Variants in CADPS2 observed in about 807,000 individuals in gnomAD.
CADPS2 encodes calcium-dependent secretion activator 2.
In CADPS2, 93 loss-of-function variants were observed where a neutral mutation model predicts 172.5. The observed-to-expected ratio is 0.54, with a 90% CI of 0.46 to 0.64. The LOEUF (loss-of-function observed/expected upper bound fraction) is 0.64. CADPS2 is among the 30% of genes least tolerant of loss of function. The pLI, the probability that CADPS2 is intolerant of heterozygous loss-of-function variation, is 0.00. For synonymous variants in CADPS2, 546 were observed against 555.2 expected (o/e 0.98, Z 0.23); for missense variants, 1,420 against 1,565.9 (o/e 0.91, Z 1.57).
intron 1 of CADPS2, among the ~76,000 whole-genome samples, chr7:122,869,721 T>C (rs1312887921): frequency 6.6e-6 from 1 of 152,090 alleles, no homozygotes; most frequent in East Asian, 1.9e-4. Flanking sequence ...AATATATCTC[T>C]AGTATGAAGA....
intron 3 of CADPS2, among the ~76,000 whole-genome samples, chr7:122,641,113 T>C (rs1307504265): frequency 6.6e-6 from 1 of 152,116 alleles, no homozygotes; most frequent in Non-Finnish European, 1.5e-5. Flanking sequence ...TAACTTCTGA[T>C]TTCAACATTT....
chr7:122,697,693 A>T, intron 2 of CADPS2: 1 of 925,136 alleles, frequency 1.1e-6, no homozygotes, highest in Non-Finnish European at 1.6e-6. Context: ...ACAAAAAAGG[A>T]CACAAAAACC....
intron 3 of CADPS2, 41 bp from the exon 4 acceptor site, chr7:122,629,369 A>G (rs754221983): frequency 6.6e-7 from 1 of 1,504,734 alleles, no homozygotes; most frequent in South Asian, 1.2e-5. Flanking sequence ...TAATTACTTA[A>G]TCTATATACA....
intron 1 of CADPS2, among the ~76,000 whole-genome samples, chr7:122,790,590 G>A (rs1190907040): frequency 1.3e-5 from 2 of 151,844 alleles, no homozygotes; most frequent in African/African-American, 4.8e-5. Flanking sequence ...AAATATCAAG[G>A]CATATAAAGA....
intron 2 of CADPS2, among the ~76,000 whole-genome samples, chr7:122,713,808 C>T (rs1029539908): frequency 6.6e-6 from 1 of 151,950 alleles, no homozygotes; most frequent in Non-Finnish European, 1.5e-5. Context: ...AGTGATAGAA[C>T]TTACTTATTA....
chr7:122,628,610 G>A (rs2076296007), intron 4 of CADPS2, among the ~76,000 whole-genome samples: 1 of 151,154 alleles, frequency 6.6e-6, no homozygotes, highest in Non-Finnish European at 1.5e-5. Flanking sequence ...ATTCACTAAA[G>A]AATGATTTAG....
intron 3 of CADPS2, among the ~76,000 whole-genome samples, chr7:122,662,842 G>T (rs1276545494): frequency 6.6e-6 from 1 of 152,090 alleles, no homozygotes; most frequent in South Asian, 2.1e-4. Context: ...CAACTCAGAA[G>T]ACCAGCATCA....
chr7:122,643,453 G>A (rs1387407175), intron 3 of CADPS2, among the ~76,000 whole-genome samples: 1 of 152,152 alleles, frequency 6.6e-6, no homozygotes, highest in African/African-American at 2.4e-5. Context: ...CAGAGTGTCT[G>A]CAGTAATTTC....
intron 14 of CADPS2, among the ~76,000 whole-genome samples, chr7:122,469,511 C>A (rs1214422008): frequency 1.3e-5 from 2 of 152,060 alleles, no homozygotes; most frequent in African/African-American, 2.4e-5. Context: ...CCCCTGTACC[C>A]CCCCATTTTC....
At chr7:122,663,166 T>A (rs2080795173) in intron 3 of CADPS2, 71 bp downstream of exon 3, 2 of 1,134,114 alleles carry the variant, frequency 1.8e-6, no homozygotes, top group African/African-American at 3.1e-5. Context: ...GACATCTTCA[T>A]AGGCTTGTAA....
rs143770923 is a variant in CADPS2, at chr7:122,471,359, T to C, written c.2186+16A>G. 41 of 1,598,750 alleles carry C rather than the reference T, an allele frequency of 2.6e-5. No homozygotes were observed. The African/African-American group carries it at 4.0e-4, about 16-fold the overall frequency. On this transcript the variant is annotated intron_variant, in intron 14 of 29. Transcript: ENST00000449022. ...CAACCCCATACATTTCACTTTGTATTTGCAAGTAAAAATACCTGTTGCCGT... is the reference window on the plus strand; with the variant it reads ...CAACCCCATACATTTCACTTTGTATCTGCAAGTAAAAATACCTGTTGCCGT...
intron 4 of CADPS2, among the ~76,000 whole-genome samples, chr7:122,625,871 AC>A (rs2076040402): frequency 6.6e-6 from 1 of 152,084 alleles, no homozygotes; most frequent in African/African-American, 2.4e-5. Context: ...TATTATATCT[AC>A]CTAGATATTG....
chr7:122,622,885 C>G (rs1418887092), intron 4 of CADPS2, among the ~76,000 whole-genome samples: 1 of 152,132 alleles, frequency 6.6e-6, no homozygotes, highest in East Asian at 1.9e-4. Context: ...TCTTGTCAAC[C>G]TGCATCTAGT....
At chr7:122,583,877 G>T (rs2069235626) in intron 6 of CADPS2, among the ~76,000 whole-genome samples, 2 of 150,644 alleles carry the variant, frequency 1.3e-5, no homozygotes. Context: ...TAACATATGT[G>T]TATATATACA....
Position 122,621,698 on chromosome 7 carries a change from A to C in CADPS2, c.887T>G (p.Phe296Cys). ...CATATTCTCCATATCTTTTGCTATA[A>C]ATTTGGGGAATTTTCTTTCCTTGAA... Reference protein sequence around the residue: ...KMAKERKFPKFIAKDMENMYI... With the variant: ...KMAKERKFPKCIAKDMENMYI... The change falls in exon 5 of 30, where the codon TTT (phenylalanine) becomes TGT (cysteine). Residue 296 changes from phenylalanine (F) to cysteine (C), a missense_variant. Physicochemically the swap from Phe to Cys is radical, Grantham distance 205. Coordinates refer to ENST00000449022, the MANE Select transcript of CADPS2 (RefSeq NM_017954.11). The C allele has an allele frequency of 1.3e-6, 2 of 1,581,274 alleles. No individual in the cohort carries two copies. Among genetic ancestry groups the C allele is most frequent in the Non-Finnish European group, 1.7e-6 (2 of 1,166,002 alleles).
chr7:122,855,457 C>T (rs1329009393), intron 1 of CADPS2, among the ~76,000 whole-genome samples: 1 of 152,132 alleles, frequency 6.6e-6, no homozygotes, highest in African/African-American at 2.4e-5. Flanking sequence ...CTTCCATTCA[C>T]ACTATAAGCA....
At position 122,796,639 on chromosome 7, in the gene CADPS2, G is replaced by A. The variant is rs1796430833; in HGVS notation, c.340-59571C>T. Among the ~76,000 whole-genome samples, 3 of 152,046 alleles carry A rather than the reference G, an allele frequency of 2.0e-5. No homozygotes were observed. The South Asian group carries it at 6.2e-4, about 31-fold the overall frequency. On this transcript the variant is annotated intron_variant, in intron 1 of 29. Coordinates refer to ENST00000449022, the MANE Select transcript of CADPS2 (RefSeq NM_017954.11). ...AAGGATTCCCTATTCAATAAATGGT[G>A]CTGTTATTACTGGCTACCCATATGC...
intron 1 of CADPS2, among the ~76,000 whole-genome samples, chr7:122,787,653 T>A (rs560075619): frequency 4.7e-5 from 7 of 150,034 alleles, no homozygotes; most frequent in Non-Finnish European, 7.4e-5. Flanking sequence ...TAGTAATTAA[T>A]GTAAGTGCCT....
At chr7:122,489,534 G>A (rs1468943361) in intron 11 of CADPS2, among the ~76,000 whole-genome samples, 1 of 151,966 alleles carries the variant, frequency 6.6e-6, no homozygotes, top group Non-Finnish European at 1.5e-5. Flanking sequence ...TAAAAATTTA[G>A]TTCTTAACAA....
Sources: allele counts gnomAD v4.1 joint callset (sites outside exome capture counted in the v4.1 genomes callset), GRCh38; gene constraint gnomAD v4.1.1; transcripts MANE v1.5; gene names NCBI Gene and HGNC (gene_info 2026-07-23, HGNC 2026-07-21).